The following FZR1 variants were observed in gnomAD, a reference collection of about 807,000 sequenced individuals.
FZR1 encodes the protein fizzy and cell division cycle 20 related 1, also known as fizzy-related protein homolog.
Under a neutral mutation model 63.6 loss-of-function variants are expected in FZR1, and 11 were observed. That is an observed-to-expected ratio of 0.17 (90% CI 0.11 to 0.29). The LOEUF is 0.29. FZR1 is among the 10% of genes least tolerant of loss of function. The pLI is 1.00. For missense variants in FZR1, 440 were observed against 687.5 expected, an observed-to-expected ratio of 0.64 and a Z score of 4.03; for synonymous variants, 328 against 297.9, an observed-to-expected ratio of 1.10 and a Z score of -1.04.
intron 8 of FZR1, 21 bp downstream of exon 8, chr19:3,530,878 C>T: frequency 6.3e-7 from 1 of 1,597,346 alleles, no homozygotes; most frequent in Non-Finnish European, 8.6e-7. Context: ...AGGGCTTGGC[C>T]CCCACCTGGG....
intron 2 of FZR1, 44 bp downstream of exon 2, chr19:3,523,102 C>T (rs776884817): frequency 8.3e-7 from 1 of 1,210,740 alleles, no homozygotes; most frequent in South Asian, 1.2e-5. Context: ...CCCCCTCCCC[C>T]AGCTGCCTCT....
chr19:3,523,256 C>T (rs145598777), intron 2 of FZR1, among the ~76,000 whole-genome samples, 198 bp downstream of exon 2: 40 of 152,326 alleles, frequency 2.6e-4, no homozygotes, highest in Middle Eastern at 3.4e-3. Flanking sequence ...CAGAGCCCAG[C>T]GGGGCTTGGA....
Position 3,525,861 on chromosome 19 carries a change from C to A in FZR1, c.70-7C>A, listed in dbSNP as rs536198860. Reference sequence around the variant, plus strand: ...CTGAGAGCAAGCCCTCTGCTGATGCCCTTCAGGTCACAGAGATGCGGCGGA... The same window carrying A: ...CTGAGAGCAAGCCCTCTGCTGATGCACTTCAGGTCACAGAGATGCGGCGGA... On this transcript the variant is annotated splice_polypyrimidine_tract_variant and splice_region_variant and intron_variant, in intron 2 of 13. Transcript: ENST00000441788. This position sits in a 1 kb window ranked among gnomAD's most constrained non-coding sequence, Gnocchi z 4.2. 1 of 1,610,350 alleles carries A rather than the reference C, an allele frequency of 6.2e-7. No homozygotes were observed. Among genetic ancestry groups the A allele is most frequent in the Non-Finnish European group, 8.5e-7 (1 of 1,179,868 alleles).
rs369067776 is a variant in FZR1, at chr19:3,533,285, G to A, written c.1243-9G>A. 14 of 1,579,396 alleles carry A rather than the reference G, an allele frequency of 8.9e-6. No homozygotes were observed. The African/African-American group carries it at 1.2e-4, about 14-fold the overall frequency. The stretch of plus-strand genomic sequence containing the variant: ...CCTCACCGACCGCAGCGCCCCCTCC[G>A]CCCTCCAGGTGAGCACGCACGGCTA... On this transcript the variant is annotated splice_polypyrimidine_tract_variant and intron_variant, in intron 11 of 13. Coordinates refer to ENST00000441788, the MANE Select transcript of FZR1 (RefSeq NM_016263.4). This position sits in a 1 kb window ranked among gnomAD's most constrained non-coding sequence, Gnocchi z 4.9.
At chr19:3,532,131 A>G (rs1353999760) in intron 10 of FZR1, 36 bp downstream of exon 10, 47 of 1,465,032 alleles carry the variant, frequency 3.2e-5, no homozygotes, top group Non-Finnish European at 4.3e-5. Flanking sequence ...CCCCTTCACC[A>G]GAAGCCGCAC....
chr19:3,507,688 T>C (rs2082994894), intron 1 of FZR1, among the ~76,000 whole-genome samples: 1 of 152,096 alleles, frequency 6.6e-6, no homozygotes, highest in South Asian at 2.1e-4. Flanking sequence ...TGCGGGGACT[T>C]TGAAGTGAAG....
At chr19:3,509,204 TCCCCAGTGG>T (rs1227621585) in intron 1 of FZR1, among the ~76,000 whole-genome samples, 2 of 152,222 alleles carry the variant, frequency 1.3e-5, no homozygotes, top group African/African-American at 4.8e-5. Context: ...GACGTTCATG[TCCCCAGTGG>T]CCCCAGGTCC....
chr19:3,529,713 C>CGGATGGGAGAGT (rs1217767503), intron 7 of FZR1, among the ~76,000 whole-genome samples: 2 of 126,576 alleles, frequency 1.6e-5, no homozygotes, highest in Non-Finnish European at 3.4e-5. Flanking sequence ...GATGGGAGAG[C>CGGATGGGAGAGT]GGATGGGAGA....
intron 1 of FZR1, among the ~76,000 whole-genome samples, chr19:3,506,974 C>T (rs1450054694): frequency 6.6e-6 from 1 of 152,080 alleles, no homozygotes; most frequent in Non-Finnish European, 1.5e-5. Flanking sequence ...CTGTGGTGTG[C>T]GATGGCTCGC....
chr19:3,525,972 C>T lies in FZR1; in HGVS notation c.174C>T (p.Ser58=). 5 of 1,612,242 alleles carry T rather than the reference C, an allele frequency of 3.1e-6. No individual in the cohort carries two copies. The highest frequency in any genetic ancestry group is 4.2e-6 in the Non-Finnish European group (5 of 1,179,766). The change falls in exon 3 of 14, where the codon AGC becomes AGT. Residue 58 remains serine, a synonymous_variant. Coordinates refer to ENST00000441788, the MANE Select transcript of FZR1 (RefSeq NM_016263.4). This position sits in a 1 kb window ranked among gnomAD's most constrained non-coding sequence, Gnocchi z 4.2. ...CCTCCAGAGCCGGAGCCAACTGGAG[C>T]GTGAACTTCCACAGGATTAACGTGA... ...FIPSRAGANW[S]VNFHRINENE... is the part of the protein sequence containing the mutation.
Position 3,534,865 on chromosome 19 carries a change from G to C in FZR1, c.*29G>C. On this transcript the variant is annotated 3_prime_UTR_variant, in exon 14 of 14. Transcript: ENST00000441788. ...TGCCGGGCAGGACCGTGCCACACCA[G>C]CTGTCCAGAGTCGGAGGACCCCAGC... 10 of 1,591,240 alleles carry C rather than the reference G, an allele frequency of 6.3e-6. No homozygotes were observed. Among genetic ancestry groups the C allele is most frequent in the Non-Finnish European group, 8.6e-6 (10 of 1,161,236 alleles).
At position 3,530,699 on chromosome 19, in the gene FZR1, T is replaced by TGGATGGGTGAGACAGTGGAG. The variant is rs1363473738; in HGVS notation, c.655-87_655-68dup. On this transcript the variant is annotated intron_variant, in intron 7 of 13. Coordinates refer to ENST00000441788, the MANE Select transcript of FZR1 (RefSeq NM_016263.4). ...GATTGGATGGGAGAGTGGATGAGAG[T>TGGATGGGTGAGACAGTGGAG]GGATGGGTGAGACAGTGGAGGGATG... 64 of 875,656 alleles carry TGGATGGGTGAGACAGTGGAG rather than the reference T, an allele frequency of 7.3e-5. No homozygotes were observed. The African/African-American group carries it at 9.5e-4, about 13-fold the overall frequency. The allele number at this position is 875,656 out of a possible 1,614,324, so 54.2% of individuals were successfully genotyped here.
Position 3,525,522 on chromosome 19 carries a change from A to G in FZR1, c.70-346A>G, listed in dbSNP as rs931532121. Among the ~76,000 whole-genome samples the G allele has an allele frequency of 3.3e-4, 45 of 134,500 alleles. No individual in the cohort carries two copies. Among genetic ancestry groups the G allele is most frequent in the African/African-American group, 1.2e-3 (43 of 35,502 alleles). 88.2% of individuals were successfully genotyped at this position (134,500 alleles called of 152,430 possible). A position where few individuals can be genotyped will look rare whatever the true frequency, so the allele number is the denominator to read the frequency against. On this transcript the variant is annotated intron_variant, in intron 2 of 13. Coordinates refer to ENST00000441788, the MANE Select transcript of FZR1 (RefSeq NM_016263.4). The surrounding 1 kb of genome is among the most constrained non-coding windows in gnomAD (Gnocchi z 4.2). ...CAGTGGCACAATCTTGGCTCACTGCAAGCTCCGCCTCCCAGGTTCATGCCA... is the reference window on the plus strand; with the variant it reads ...CAGTGGCACAATCTTGGCTCACTGCGAGCTCCGCCTCCCAGGTTCATGCCA...
Position 3,527,156 on chromosome 19 carries a change from C to T in FZR1, c.470+94C>T, listed in dbSNP as rs1050486427. The T allele has an allele frequency of 3.2e-5, 33 of 1,026,892 alleles. 1 individual carries two copies. The Admixed American group carries it at 3.9e-4, about 12-fold the overall frequency. The allele number at this position is 1,026,892 out of a possible 1,614,324, so 63.6% of individuals were successfully genotyped here. ...AGCTTCCTCCGCAGCCCTGTCCCTG[C>T]GGGTCCTGGTGGGCGAGGCTGAAGG... On this transcript the variant is annotated intron_variant, in intron 6 of 13. Coordinates refer to ENST00000441788, the MANE Select transcript of FZR1 (RefSeq NM_016263.4).
At chr19:3,509,486 C>T (rs373665985) in intron 1 of FZR1, among the ~76,000 whole-genome samples, 4 of 152,202 alleles carry the variant, frequency 2.6e-5, no homozygotes, top group African/African-American at 9.7e-5. Flanking sequence ...TATTTGGATA[C>T]ACTTCTCCTG....
Position 3,532,077 on chromosome 19 carries a change from G to T in FZR1, c.990G>T (p.Ser330=). The part of the protein sequence containing the change: ...KWSTDHQLLA[S]GGNDNKLLVW... The stretch of plus-strand genomic sequence containing the variant: ...CCACAGACCACCAGCTCCTCGCCTC[G>T]GGGGGCAACGACAACAAGGTACCCC... The change falls in exon 10 of 14, where the codon TCG becomes TCT. Residue 330 remains serine, a synonymous_variant. Coordinates refer to ENST00000441788, the MANE Select transcript of FZR1 (RefSeq NM_016263.4). 2.0e-6 allele frequency: 3 copies of T among 1,514,856 alleles called. No individual in the cohort carries two copies. The South Asian group carries it at 3.6e-5, about 18-fold the overall frequency. The allele number at this position is 1,514,856 out of a possible 1,614,324, so 93.8% of individuals were successfully genotyped here. A position where few individuals can be genotyped will look rare whatever the true frequency, so the allele number is the denominator to read the frequency against.
intron 2 of FZR1, among the ~76,000 whole-genome samples, chr19:3,524,333 G>A (rs1422420030): frequency 6.6e-6 from 1 of 152,242 alleles, no homozygotes; most frequent in South Asian, 2.1e-4. Flanking sequence ...CCAGGCCGGG[G>A]TGTGAACGGG....
chr19:3,508,127 T>G (rs2082998687), intron 1 of FZR1, among the ~76,000 whole-genome samples: 2 of 151,364 alleles, frequency 1.3e-5, no homozygotes, highest in Non-Finnish European at 1.5e-5. Context: ...GGGTGGGGCT[T>G]TGGGGTTTGG....
In FZR1 at chr19:3,523,019, T is replaced by C; in HGVS notation, c.30T>C (p.Leu10=). ...ACCAGGACTATGAGCGGCGCCTGCT[T>C]CGCCAGATCGTCATCCAGAATGAGA... MDQDYERRL[L]RQIVIQNENT... Residue 10 remains leucine, a synonymous_variant, in exon 2 of 14, where the codon CTT becomes CTC. Transcript: ENST00000441788. 1.9e-6 allele frequency: 3 copies of C among 1,611,892 alleles called. No individual in the cohort carries two copies. The highest frequency in any genetic ancestry group is 2.5e-6 in the Non-Finnish European group (3 of 1,179,092).
Sources: gnomAD v4.1 joint callset for allele counts (sites outside exome capture counted in the v4.1 genomes callset) on GRCh38, gnomAD v4.1.1 for gene constraint, Gnocchi (gnomAD v3.1) non-coding constraint, MANE v1.5 for transcripts, NCBI Gene and HGNC (gene_info 2026-07-23, HGNC 2026-07-21) for gene names.